Variants in ZIM2 observed in about 807,000 individuals in gnomAD.
ZIM2 encodes the protein zinc finger protein 656.
ZIM2 carries 14 observed loss-of-function variants against 38.6 expected under a neutral mutation model. The ratio of observed to expected loss-of-function variants is 0.36; its 90% CI spans 0.24 to 0.57. The LOEUF is 0.57. Among genes scored for constraint, ZIM2 ranks in the 20% least tolerant of loss-of-function variants. The pLI is 0.81. For missense variants in ZIM2, 680 were observed against 695.1 expected, an observed-to-expected ratio of 0.98 and a Z score of 0.24; for synonymous variants, 247 against 245.8, an observed-to-expected ratio of 1.00 and a Z score of -0.04.
chr19:56,832,371 C>T (rs1362841197), intron 2 of ZIM2, among the ~76,000 whole-genome samples: 1 of 152,090 alleles, frequency 6.6e-6, no homozygotes, highest in African/African-American at 2.4e-5. Flanking sequence ...TCTCCAGTGA[C>T]TGTACCACAG....
intron 7 of ZIM2, 134 bp from the exon 8 acceptor site, chr19:56,818,836 A>G: frequency 9.9e-7 from 1 of 1,012,732 alleles, no homozygotes; most frequent in East Asian, 2.5e-5. Flanking sequence ...GTTCTGAGTG[A>G]TCCAAGTCAA....
At chr19:56,790,588 A>T (rs2046879977) in intron 9 of ZIM2, among the ~76,000 whole-genome samples, 1 of 152,092 alleles carries the variant, frequency 6.6e-6, no homozygotes, top group Non-Finnish European at 1.5e-5. Flanking sequence ...GTTCATGTAG[A>T]CCTTATTTTA....
chr19:56,812,750 T>C (rs2059622087), intron 9 of ZIM2: 1 of 984,710 alleles, frequency 1.0e-6, no homozygotes, highest in African/African-American at 1.8e-5. Flanking sequence ...AAGGCAAAGA[T>C]GTAAGATTTA....
chr19:56,802,392 T>G (rs796676299), intron 9 of ZIM2, among the ~76,000 whole-genome samples: 24 of 152,254 alleles, frequency 1.6e-4, no homozygotes, highest in African/African-American at 5.8e-4. Context: ...TCAAACGAGA[T>G]GCACTAAAAG....
intron 9 of ZIM2, among the ~76,000 whole-genome samples, chr19:56,801,094 C>T (rs918503908): frequency 1.3e-5 from 2 of 151,768 alleles, no homozygotes; most frequent in Admixed American, 6.6e-5. Flanking sequence ...ACCACCATGC[C>T]CGGCTAATTT....
At chr19:56,786,071 G>C (rs13313717) in intron 10 of ZIM2, among the ~76,000 whole-genome samples, 6,095 of 151,934 alleles carry the variant, frequency 0.04, 420 homozygotes, top group African/African-American at 0.14. Flanking sequence ...CAAGCCCTAG[G>C]CAACCACTAA....
Position 56,823,622 on chromosome 19 carries a change from G to T in ZIM2, c.74C>A (p.Ser25Tyr), listed in dbSNP as rs371901713. 19 of 1,614,000 alleles carry T rather than the reference G, an allele frequency of 1.2e-5. No individual in the cohort carries two copies. Among genetic ancestry groups the T allele is most frequent in the Non-Finnish European group, 2.5e-6 (3 of 1,180,034 alleles). The change falls in exon 5 of 13, where the codon TCC becomes TAC. Residue 25 changes from serine (S) to tyrosine (Y), a missense_variant. Transcript: ENST00000629319. ...DDDMTRNRRE[S>Y]SPPHSVHSFS... ...AGAATGGACTGAGTGAGGTGGTGAG[G>T]ACTCTCTTCTGTTCCGGGTCATGTC...
chr19:56,806,180 C>T (rs1424229942), intron 9 of ZIM2, among the ~76,000 whole-genome samples: 1 of 152,158 alleles, frequency 6.6e-6, no homozygotes, highest in African/African-American at 2.4e-5. Context: ...TTCCCATGAG[C>T]TTTAAATTAT....
At position 56,839,336 on chromosome 19, in the gene ZIM2, G is replaced by A. The variant is rs1475407180; in HGVS notation, c.-314+1246C>T. Among the ~76,000 whole-genome samples, 5 of 151,408 alleles carry A rather than the reference G, an allele frequency of 3.3e-5. No homozygotes were observed. The East Asian group carries it at 9.8e-4, about 30-fold the overall frequency. ...AATGCTACACAGTCACTTCAGCCTTGCCCCGCCCCCTCTGCTACCAACCAA... is the reference window on the plus strand; with the variant it reads ...AATGCTACACAGTCACTTCAGCCTTACCCCGCCCCCTCTGCTACCAACCAA... On this transcript the variant is annotated intron_variant, in intron 1 of 12. Transcript: ENST00000629319.
intron 9 of ZIM2, chr19:56,793,120 G>A (rs2047026897): frequency 6.6e-6 from 1 of 152,650 alleles, no homozygotes; most frequent in African/African-American, 2.4e-5. Context: ...CAGAAACTGT[G>A]TCAGCACTAG....
chr19:56,822,009 C>A (rs1282269254), intron 6 of ZIM2, among the ~76,000 whole-genome samples: 1 of 152,080 alleles, frequency 6.6e-6, no homozygotes, highest in Admixed American at 6.5e-5. Context: ...CAGATTGTGC[C>A]CAAGCTGTGT....
At chr19:56,803,507 A>G (rs1414878786) in intron 9 of ZIM2, among the ~76,000 whole-genome samples, 1 of 152,180 alleles carries the variant, frequency 6.6e-6, no homozygotes, top group Non-Finnish European at 1.5e-5. Context: ...CCCAGGCGTT[A>G]GAGTTTGGGG....
At chr19:56,808,771 G>A (rs1158685876) in intron 9 of ZIM2, among the ~76,000 whole-genome samples, 1 of 152,170 alleles carries the variant, frequency 6.6e-6, no homozygotes, top group African/African-American at 2.4e-5. Flanking sequence ...GAAACCAAGG[G>A]CAGGCAGTTC....
At chr19:56,817,417 G>C (rs756792919) in intron 9 of ZIM2, 66 of 1,613,880 alleles carry the variant, frequency 4.1e-5, no homozygotes, top group Non-Finnish European at 5.3e-5. Context: ...TGACATTCTG[G>C]GGAATCTCTG....
At position 56,836,969 on chromosome 19, in the gene ZIM2, C is replaced by CAAAAAAAA. The variant is rs573566620; in HGVS notation, c.-313-873_-313-866dup. Among the ~76,000 whole-genome samples, 5 of 116,986 alleles carry CAAAAAAAA rather than the reference C, an allele frequency of 4.3e-5. 1 individual carries two copies. The East Asian group carries it at 8.7e-4, about 20-fold the overall frequency. The allele number at this position is 116,986 out of a possible 152,430, so 76.7% of individuals were successfully genotyped here. On this transcript the variant is annotated intron_variant, in intron 1 of 12. Transcript: ENST00000629319. The stretch of plus-strand genomic sequence containing the variant: ...TGGGTGAGAGGGCCAGACTCTGTCT[C>CAAAAAAAA]AAAAAAAAAAAAAAAAAAAAAAAAA...
chr19:56,822,729 G>A (rs1252597932), intron 6 of ZIM2, 24 bp downstream of exon 6: 5 of 1,612,982 alleles, frequency 3.1e-6, no homozygotes, highest in Admixed American at 3.3e-5. Context: ...TCTCCTACTG[G>A]GAAAGAAAGT....
intron 10 of ZIM2, among the ~76,000 whole-genome samples, chr19:56,785,378 C>T (rs1214060723): frequency 3.9e-5 from 6 of 151,950 alleles, no homozygotes; most frequent in Admixed American, 3.3e-4. Flanking sequence ...TTCCTTACCT[C>T]GCTCCCCCCA....
intron 10 of ZIM2, among the ~76,000 whole-genome samples, chr19:56,787,027 C>T (rs923500086): frequency 3.3e-5 from 5 of 149,826 alleles, no homozygotes; most frequent in South Asian, 2.1e-4. Context: ...AGTAGAGATG[C>T]GGTTTCGCAT....
chr19:56,813,410 T>G (rs535693354), intron 9 of ZIM2: 1 of 1,268,120 alleles, frequency 7.9e-7, no homozygotes, highest in Non-Finnish European at 1.0e-6. Context: ...ACTCATAGGG[T>G]TTTCTCAATC....
Sources: allele counts gnomAD v4.1 joint callset (sites outside exome capture counted in the v4.1 genomes callset), GRCh38; gene constraint gnomAD v4.1.1; transcripts MANE v1.5; gene names NCBI Gene and HGNC (gene_info 2026-07-23, HGNC 2026-07-21).